Variants in CNKSR2 observed in about 807,000 individuals in gnomAD.
CNKSR2 encodes CNK homolog protein 2.
A neutral mutation model predicts 84.4 loss-of-function variants in CNKSR2; 14 were observed. That is an observed-to-expected ratio of 0.17 (90% CI 0.11 to 0.26). The LOEUF (loss-of-function observed/expected upper bound fraction) is 0.26. Among genes scored for constraint, CNKSR2 ranks in the 10% least tolerant of loss-of-function variants. The pLI is 1.00. For synonymous variants in CNKSR2, 275 were observed against 277.9 expected (o/e 0.99, Z 0.10); for missense variants, 485 against 771.2 (o/e 0.63, Z 4.40).
At chrX:21,602,130 T>G (rs2092486223) in intron 18 of CNKSR2, among the ~76,000 whole-genome samples, 1 of 110,046 alleles carries the variant, frequency 9.1e-6, no homozygotes, top group Admixed American at 9.8e-5. Flanking sequence ...GTTTTTTTTG[T>G]TTGTTTGTTT....
At chrX:21,589,595 C>G (rs1601993458) in intron 13 of CNKSR2, among the ~76,000 whole-genome samples, 1 of 111,908 alleles carries the variant, frequency 8.9e-6, no homozygotes, top group African/African-American at 3.2e-5. Context: ...GCTTAGTAGA[C>G]TAACTGGAGC....
chrX:21,489,689 G>C (rs1208451176), intron 5 of CNKSR2, among the ~76,000 whole-genome samples: 1 of 112,105 alleles, frequency 8.9e-6, no homozygotes, highest in African/African-American at 3.2e-5. Flanking sequence ...AAAAGCACTA[G>C]CTTTCTGTCC....
intron 4 of CNKSR2, among the ~76,000 whole-genome samples, chrX:21,450,895 A>G (rs1050063157): frequency 1.8e-5 from 2 of 112,116 alleles, no homozygotes; most frequent in Non-Finnish European, 3.8e-5. Flanking sequence ...TGTTAAATAT[A>G]TCTTCTGAGA....
intron 18 of CNKSR2, among the ~76,000 whole-genome samples, chrX:21,604,238 T>G (rs890633169): frequency 9.1e-6 from 1 of 110,028 alleles, no homozygotes; most frequent in Admixed American, 9.7e-5. Context: ...CAAGAAAACT[T>G]TGGATTGACG....
At chrX:21,458,177 C>A (rs2091017786) in intron 4 of CNKSR2, among the ~76,000 whole-genome samples, 2 of 112,356 alleles carry the variant, frequency 1.8e-5, no homozygotes, top group African/African-American at 6.5e-5. Flanking sequence ...ACAGTAACCA[C>A]TAGCTGCATT....
intron 20 of CNKSR2, 22 bp from the exon 21 acceptor site, chrX:21,648,794 CTTTTTTTTTTTTTTT>C (rs33962399): frequency 3.2e-5 from 10 of 316,241 alleles, no homozygotes; most frequent in African/African-American, 3.1e-4. Context: ...CTCTCTCTTT[CTTTTTTTTTTTTTTT>C]TTTTTTTTTT....
chrX:21,635,378 ATGTGTGTG>A lies in CNKSR2; in HGVS notation c.2693-13429_2693-13422del, dbSNP rs74314224. On this transcript the variant is annotated intron_variant, in intron 20 of 21. Transcript: ENST00000379510. ...CAGTCTGAAATTTGATCTAAAATAA[ATGTGTGTG>A]TGTGTGTGTGTGTGTGTGTGTGTAT... 7.0e-4 allele frequency among the ~76,000 whole-genome samples: 66 copies of A among 94,726 alleles called. No individual in the cohort carries two copies. The South Asian group carries it at 0.014, about 20-fold the overall frequency. The allele number at this position is 94,726 out of a possible 115,157, so 82.3% of individuals were successfully genotyped here.
chrX:21,549,958 TA>T (rs1271010035), intron 11 of CNKSR2, among the ~76,000 whole-genome samples: 1 of 111,670 alleles, frequency 9.0e-6, no homozygotes, highest in East Asian at 2.8e-4. Context: ...CCTAAAACCA[TA>T]AAAACCCTAG....
At chrX:21,440,068 G>T in intron 3 of CNKSR2, among the ~76,000 whole-genome samples, 1 of 111,018 alleles carries the variant, frequency 9.0e-6, no homozygotes, top group Middle Eastern at 4.7e-3. Flanking sequence ...TAAATGAGTT[G>T]CTTCAAACAC....
chrX:21,584,603 C>G (rs763541730), intron 13 of CNKSR2, among the ~76,000 whole-genome samples: 4 of 111,957 alleles, frequency 3.6e-5, no homozygotes, highest in South Asian at 7.5e-4. Flanking sequence ...GTAGAATTTA[C>G]TAAAAAGAAA....
intron 20 of CNKSR2, chrX:21,642,023 G>C (rs1306530651): frequency 2.6e-6 from 2 of 756,305 alleles, no homozygotes; most frequent in Non-Finnish European, 3.1e-6. Context: ...GAAAATTCTG[G>C]CTGTTTAATG....
intron 13 of CNKSR2, among the ~76,000 whole-genome samples, chrX:21,568,058 C>T (rs1335799298): frequency 9.0e-6 from 1 of 111,433 alleles, no homozygotes; most frequent in Non-Finnish European, 1.9e-5. Flanking sequence ...GAGGCCAAGG[C>T]GGGTGGATTG....
chrX:21,562,802 A>G (rs967329807), intron 12 of CNKSR2, among the ~76,000 whole-genome samples: 1 of 110,718 alleles, frequency 9.0e-6, no homozygotes, highest in African/African-American at 3.3e-5. Flanking sequence ...AACTTCTCCA[A>G]GCATGCTACC....
At chrX:21,491,288 T>A (rs1462384999) in intron 6 of CNKSR2, 1 of 111,905 alleles carries the variant, frequency 8.9e-6, no homozygotes, top group Non-Finnish European at 1.9e-5. Flanking sequence ...AGAGAATATC[T>A]TAACTACTAC....
Position 21,621,068 on chromosome X carries a change from T to C in CNKSR2, c.2692+11451T>C, listed in dbSNP as rs186073948. 1.7e-3 allele frequency among the ~76,000 whole-genome samples: 191 copies of C among 111,474 alleles called. 1 individual carries two copies. The highest frequency in any genetic ancestry group is 5.8e-3 in the African/African-American group (177 of 30,779). On this transcript the variant is annotated intron_variant, in intron 20 of 21. Transcript: ENST00000379510. Reference sequence around the variant, plus strand: ...TATCTCCAAAACTCTAAAATGGAATTGTGTTATCAAACATAATTTGTGTTG... The same window carrying C: ...TATCTCCAAAACTCTAAAATGGAATCGTGTTATCAAACATAATTTGTGTTG...
chrX:21,544,548 G>A (rs1273694122), intron 11 of CNKSR2, among the ~76,000 whole-genome samples: 1 of 112,387 alleles, frequency 8.9e-6, no homozygotes, highest in Non-Finnish European at 1.9e-5. Context: ...CAAGGTACTA[G>A]GTAATGGATA....
chrX:21,398,816 CTTAAT>C (rs1408247637), intron 1 of CNKSR2, among the ~76,000 whole-genome samples: 1 of 111,772 alleles, frequency 8.9e-6, no homozygotes, highest in Non-Finnish European at 1.9e-5. Context: ...GTTTTGAGTT[CTTAAT>C]TTAATTATGC....
intron 4 of CNKSR2, among the ~76,000 whole-genome samples, chrX:21,449,935 C>T (rs2090905435): frequency 8.9e-6 from 1 of 112,010 alleles, no homozygotes; most frequent in Non-Finnish European, 1.9e-5. Flanking sequence ...ATTTGGAAAT[C>T]ATAATACAGT....
intron 9 of CNKSR2, among the ~76,000 whole-genome samples, chrX:21,525,189 ATAGT>A (rs1445992558): frequency 9.0e-6 from 1 of 110,994 alleles, no homozygotes; most frequent in African/African-American, 3.3e-5. Context: ...TAGAAATAAA[ATAGT>A]TATTTATTTC....
Sources: allele counts gnomAD v4.1 joint callset (sites outside exome capture counted in the v4.1 genomes callset), GRCh38; gene constraint gnomAD v4.1.1; transcripts MANE v1.5; gene names NCBI Gene and HGNC (gene_info 2026-07-23, HGNC 2026-07-21).